TNFRSF8: variants seen among roughly 807,000 people sequenced by gnomAD.
TNFRSF8 encodes TNF receptor superfamily member 8.
Under a neutral mutation model 70.8 loss-of-function variants are expected in TNFRSF8, and 26 were observed. The ratio of observed to expected loss-of-function variants is 0.37; its 90% CI spans 0.27 to 0.51. The LOEUF (loss-of-function observed/expected upper bound fraction) is 0.51. Ranked by LOEUF, TNFRSF8 falls within the 20% of genes least tolerant of loss-of-function variation. The probability of loss-of-function intolerance (pLI) is 0.94; values close to 1 mark genes in which losing one functional copy is unlikely to be tolerated. For missense variants in TNFRSF8, 720 were observed against 807.9 expected (o/e 0.89, Z 1.32); for synonymous variants, 356 against 339.2 (o/e 1.05, Z -0.54).
At position 12,113,607 on chromosome 1, in the gene TNFRSF8, G is replaced by C. The variant is rs1641671740; in HGVS notation, c.793+1593G>C. Among the ~76,000 whole-genome samples, 1 of 152,046 alleles carries C rather than the reference G, an allele frequency of 6.6e-6. No individual in the cohort carries two copies. The highest frequency in any genetic ancestry group is 1.9e-4 in the East Asian group (1 of 5,186). The stretch of plus-strand genomic sequence containing the variant: ...AGAATGAGAGGGAGAGAGAGAGTGA[G>C]AGAGAGACAGAAAGAGGGAGAGAGA... On this transcript the variant is annotated intron_variant, in intron 7 of 14. Transcript: ENST00000263932. The surrounding 1 kb of genome is among the most constrained non-coding windows in gnomAD (Gnocchi z 4.9).
At chr1:12,126,544 C>A (rs1041212939) in intron 12 of TNFRSF8, among the ~76,000 whole-genome samples, 3 of 152,050 alleles carry the variant, frequency 2.0e-5, no homozygotes, top group Non-Finnish European at 2.9e-5. Flanking sequence ...CCTCCAGTAC[C>A]CCCAGGGGGC....
intron 3 of TNFRSF8, among the ~76,000 whole-genome samples, chr1:12,101,478 T>C (rs1056977663): frequency 6.6e-6 from 1 of 151,880 alleles, no homozygotes; most frequent in Non-Finnish European, 1.5e-5. Context: ...AAACCAGCAA[T>C]ATAGCTTTCT....
intron 3 of TNFRSF8, among the ~76,000 whole-genome samples, chr1:12,101,609 A>G (rs76021510): frequency 0.011 from 1,739 of 152,252 alleles, 37 homozygotes; most frequent in African/African-American, 0.039. Flanking sequence ...GGAGTAACGC[A>G]CGTGCTACGA....
chr1:12,093,544 CT>C (rs960798873), intron 2 of TNFRSF8, among the ~76,000 whole-genome samples: 25 of 149,804 alleles, frequency 1.7e-4, no homozygotes, highest in African/African-American at 5.6e-4. Flanking sequence ...AAGGAGCTGA[CT>C]TTTTTTTTTC....
intron 1 of TNFRSF8, among the ~76,000 whole-genome samples, chr1:12,067,906 G>GT (rs1177352718): frequency 1.5e-5 from 2 of 135,488 alleles, no homozygotes; most frequent in African/African-American, 5.3e-5. Context: ...GGGGGGGCGG[G>GT]GGGGGGACCT....
At chr1:12,132,685 A>G (rs1402652499) in intron 12 of TNFRSF8, among the ~76,000 whole-genome samples, 3 of 151,980 alleles carry the variant, frequency 2.0e-5, no homozygotes, top group African/African-American at 7.2e-5. Flanking sequence ...CGAAAATACA[A>G]AAATTAGCCG....
rs146421438 is a variant in TNFRSF8, at chr1:12,125,986, G to T, written c.1189G>T (p.Val397Leu). 95 of 1,613,662 alleles carry T rather than the reference G, an allele frequency of 5.9e-5. No homozygotes were observed. In the African/African-American group the frequency reaches 1.2e-3, roughly 20 times the overall value. The change falls in exon 11 of 15, where the codon GTG (valine) becomes TTG (leucine). Residue 397 changes from valine to leucine, a missense_variant. Transcript: ENST00000263932. The stretch of plus-strand genomic sequence containing the variant: ...CTTCTGGGTGATCCTGGTGTTGGTT[G>T]TGGTGGTCGGCTCCAGCGCCTTCCT... ...VLFWVILVLV[V>L]VVGSSAFLLC...
rs540351523 is a variant in TNFRSF8 at position 12,108,172 on chromosome 1, G to A, written c.422-1394G>A. Among the ~76,000 whole-genome samples the A allele has an allele frequency of 6.0e-5, 9 of 150,814 alleles. No homozygotes were observed. Among genetic ancestry groups the A allele is most frequent in the Admixed American group, 2.7e-4 (4 of 15,026 alleles). On this transcript the variant is annotated intron_variant, in intron 4 of 14. Transcript: ENST00000263932. This position sits in a 1 kb window ranked among gnomAD's most constrained non-coding sequence, Gnocchi z 4.0. ...CAGCTCACTGCAACCTCTGCCTCCC[G>A]GATTCAAGTGATTCTCCTGCCTCAG...
intron 1 of TNFRSF8, among the ~76,000 whole-genome samples, chr1:12,076,470 C>T (rs1640970050): frequency 6.6e-6 from 1 of 152,138 alleles, no homozygotes; most frequent in Admixed American, 6.6e-5. Flanking sequence ...CTTTCTTCAA[C>T]TCTTACACAA....
chr1:12,075,251 A>ATTT (rs529160161), intron 1 of TNFRSF8, among the ~76,000 whole-genome samples: 2 of 143,864 alleles, frequency 1.4e-5, no homozygotes, highest in Admixed American at 6.9e-5. Flanking sequence ...CAAAAAAAAA[A>ATTT]TTTTTTTTTT....
chr1:12,095,083 C>T (rs1306343796), intron 2 of TNFRSF8, among the ~76,000 whole-genome samples: 1 of 152,076 alleles, frequency 6.6e-6, no homozygotes, highest in Non-Finnish European at 1.5e-5. Context: ...TTATGAATTC[C>T]GCCCATTATG....
intron 2 of TNFRSF8, among the ~76,000 whole-genome samples, chr1:12,089,127 T>C (rs796609719): frequency 6.6e-5 from 10 of 152,034 alleles, no homozygotes; most frequent in African/African-American, 1.9e-4. Flanking sequence ...ATTTGTTGGA[T>C]GGATGGAGGG....
intron 1 of TNFRSF8, among the ~76,000 whole-genome samples, chr1:12,069,865 A>G (rs1288966821): frequency 6.6e-6 from 1 of 152,226 alleles, no homozygotes; most frequent in African/African-American, 2.4e-5. Flanking sequence ...AAGATGGGGA[A>G]AACAGGACTT....
rs545141561 is a variant in TNFRSF8 at position 12,084,344 on chromosome 1, C to G, written c.64-120C>G. On this transcript the variant is annotated intron_variant, in intron 1 of 14. Coordinates refer to ENST00000263932, the MANE Select transcript of TNFRSF8 (RefSeq NM_001243.5). ...GTGGGTTTGTGGAATCAGGAGTTCT[C>G]GTCCTGATTTCTCTCCTATATTACA... The G allele has an allele frequency of 8.0e-6, 7 of 877,310 alleles. No individual in the cohort carries two copies. In the South Asian group the frequency reaches 1.1e-4, roughly 13 times the overall value. The allele number at this position is 877,310 out of a possible 1,614,324, so 54.3% of individuals were successfully genotyped here.
chr1:12,142,335 A>T lies in TNFRSF8; in HGVS notation c.1592A>T (p.Lys531Met). The stretch of plus-strand genomic sequence containing the variant: ...GACACCGTGATCGTGGGGACCGTGA[A>T]GGCTGAGCTGCCGGAGGGCCGGGGC... ...KADTVIVGTV[K>M]AELPEGRGLA... The change falls in exon 15 of 15, where the codon AAG becomes ATG. Residue 531 changes from lysine to methionine, a missense_variant. Coordinates refer to ENST00000263932, the MANE Select transcript of TNFRSF8 (RefSeq NM_001243.5). The surrounding 1 kb of genome is among the most constrained non-coding windows in gnomAD (Gnocchi z 5.0). 1 of 1,606,740 alleles carries T rather than the reference A, an allele frequency of 6.2e-7. No homozygotes were observed. Among genetic ancestry groups the T allele is most frequent in the Non-Finnish European group, 8.5e-7 (1 of 1,176,758 alleles).
In TNFRSF8 at chr1:12,138,167, A is replaced by C; in HGVS notation, c.1336-62A>C. 1 of 1,549,982 alleles carries C rather than the reference A, an allele frequency of 6.5e-7. No individual in the cohort carries two copies. The highest frequency in any genetic ancestry group is 1.2e-5 in the South Asian group (1 of 83,686). ...AGATGAAAAAAAAAAGGGGCCTCCC[A>C]GTTCAGAGACTGGTGGGGAGGTTGG... On this transcript the variant is annotated intron_variant, in intron 13 of 14. Coordinates refer to ENST00000263932, the MANE Select transcript of TNFRSF8 (RefSeq NM_001243.5). This position sits in a 1 kb window ranked among gnomAD's most constrained non-coding sequence, Gnocchi z 5.7.
chr1:12,095,722 G>A (rs1487179629), intron 2 of TNFRSF8, among the ~76,000 whole-genome samples: 1 of 152,164 alleles, frequency 6.6e-6, no homozygotes, highest in Non-Finnish European at 1.5e-5. Flanking sequence ...AGAATGATTA[G>A]GGGCACAAGA....
rs540266652 is a variant in TNFRSF8, at chr1:12,108,771, T to A, written c.422-795T>A. The stretch of plus-strand genomic sequence containing the variant: ...GAGGTTGCAGTGAGCTGAGATTGCA[T>A]CACTGCACTCCAGCCTGGGCGACAG... On this transcript the variant is annotated intron_variant, in intron 4 of 14. Transcript: ENST00000263932. The surrounding 1 kb of genome is among the most constrained non-coding windows in gnomAD (Gnocchi z 4.0). 6.6e-6 allele frequency among the ~76,000 whole-genome samples: 1 copy of A among 152,186 alleles called. No individual in the cohort carries two copies. Among genetic ancestry groups the A allele is most frequent in the South Asian group, 2.1e-4 (1 of 4,824 alleles).
chr1:12,101,352 A>G (rs923479400), intron 3 of TNFRSF8, among the ~76,000 whole-genome samples: 1 of 151,934 alleles, frequency 6.6e-6, no homozygotes, highest in East Asian at 2.0e-4. Flanking sequence ...GCTTGAGCCC[A>G]GGAAGTTGAG....
Sources: gnomAD v4.1 joint callset for allele counts (sites outside exome capture counted in the v4.1 genomes callset) on GRCh38, gnomAD v4.1.1 for gene constraint, Gnocchi (gnomAD v3.1) non-coding constraint, MANE v1.5 for transcripts, NCBI Gene and HGNC (gene_info 2026-07-23, HGNC 2026-07-21) for gene names.